TYR: variants seen among roughly 807,000 people sequenced by gnomAD.
TYR encodes LB24-AB.
Under a neutral mutation model 51.5 loss-of-function variants are expected in TYR, and 58 were observed. The ratio of observed to expected loss-of-function variants is 1.13; its 90% CI spans 0.91 to 1.40. TYR has a LOEUF of 1.40. Among genes scored for constraint, TYR ranks in the 40% most tolerant of loss-of-function variants. The pLI is 0.00. For missense variants in TYR, 732 were observed against 647.4 expected (o/e 1.13, Z -1.42); for synonymous variants, 263 against 235.2 (o/e 1.12, Z -1.08).
intron 2 of TYR, among the ~76,000 whole-genome samples, chr11:89,193,813 G>A (rs1417474617): frequency 6.6e-6 from 1 of 151,920 alleles, no homozygotes; most frequent in Non-Finnish European, 1.5e-5. Context: ...GAAAATAAAA[G>A]CAATACAAAA....
At chr11:89,267,812 A>ATG (rs201184833) in intron 3 of TYR, among the ~76,000 whole-genome samples, 2,420 of 150,376 alleles carry the variant, frequency 0.016, 29 homozygotes, top group African/African-American at 0.036. Context: ...TACTGAGTGT[A>ATG]TGTGTGTGTG....
chr11:89,259,385 T>G (rs1221765903), intron 3 of TYR, among the ~76,000 whole-genome samples: 8 of 152,114 alleles, frequency 5.3e-5, no homozygotes, highest in South Asian at 2.1e-4. Flanking sequence ...AGGTTGACAC[T>G]ATTTAAACTT....
chr11:89,179,045 A>G (rs1412758662), intron 1 of TYR, among the ~76,000 whole-genome samples: 1 of 152,260 alleles, frequency 6.6e-6, no homozygotes, highest in African/African-American at 2.4e-5. Context: ...AGAACATAGT[A>G]TGGTGCCTTT....
At chr11:89,182,066 G>A (rs1385962172) in intron 1 of TYR, among the ~76,000 whole-genome samples, 2 of 152,066 alleles carry the variant, frequency 1.3e-5, no homozygotes, top group Admixed American at 6.6e-5. Context: ...CCCCGTCTTT[G>A]TGCTATCATT....
At position 89,265,071 on chromosome 11, in the gene TYR, A is replaced by G. The variant is rs185176529; in HGVS notation, c.1185-19702A>G. 6.8e-3 allele frequency among the ~76,000 whole-genome samples: 1,035 copies of G among 152,124 alleles called. 11 individuals are homozygous for G. Among genetic ancestry groups the G allele is most frequent in the African/African-American group, 0.024 (981 of 41,532 alleles). ...CCTCTGAGAAGCTCATATTTTTTCA[A>G]TGAGTATACCTAATAACAACTTCTA... On this transcript the variant is annotated intron_variant, in intron 3 of 4. Transcript: ENST00000263321.
At chr11:89,208,870 C>T (rs1373234007) in intron 2 of TYR, among the ~76,000 whole-genome samples, 1 of 152,172 alleles carries the variant, frequency 6.6e-6, no homozygotes, top group Non-Finnish European at 1.5e-5. Context: ...CCATATCAAT[C>T]AATTTTTATG....
chr11:89,292,931 GC>G (rs1380000143), intron 4 of TYR, among the ~76,000 whole-genome samples: 1 of 152,136 alleles, frequency 6.6e-6, no homozygotes, highest in South Asian at 2.1e-4. Context: ...GGAATGGCCT[GC>G]TAGAGGAATC....
intron 3 of TYR, among the ~76,000 whole-genome samples, chr11:89,261,607 A>G (rs1417154328): frequency 3.3e-5 from 5 of 152,168 alleles, no homozygotes; most frequent in Admixed American, 1.3e-4. Context: ...CAAGTCAACT[A>G]TAATAGAGAC....
chr11:89,199,288 A>G (rs1040684268), intron 2 of TYR, among the ~76,000 whole-genome samples: 4 of 152,094 alleles, frequency 2.6e-5, no homozygotes, highest in Non-Finnish European at 4.4e-5. Flanking sequence ...GGGATGGCTG[A>G]GTCAAATGGT....
intron 3 of TYR, among the ~76,000 whole-genome samples, chr11:89,238,499 T>C (rs1424190796): frequency 6.6e-6 from 1 of 152,178 alleles, no homozygotes; most frequent in Non-Finnish European, 1.5e-5. Flanking sequence ...AGCAGATTTC[T>C]TAGGGTTTTC....
At chr11:89,264,717 C>G (rs916859642) in intron 3 of TYR, among the ~76,000 whole-genome samples, 3 of 147,964 alleles carry the variant, frequency 2.0e-5, no homozygotes, top group Admixed American at 2.0e-4. Context: ...ACACATACAC[C>G]GTGGAATACT....
At chr11:89,207,784 A>G (rs1160389237) in intron 2 of TYR, among the ~76,000 whole-genome samples, 1 of 152,206 alleles carries the variant, frequency 6.6e-6, no homozygotes, top group Non-Finnish European at 1.5e-5. Context: ...TTCCAAAAAT[A>G]CCAAACTGCT....
At chr11:89,274,503 C>A (rs1282131480) in intron 3 of TYR, among the ~76,000 whole-genome samples, 1 of 151,874 alleles carries the variant, frequency 6.6e-6, no homozygotes, top group East Asian at 1.9e-4. Flanking sequence ...ATGGCCACAA[C>A]TAACCTCACT....
rs185281520 is a variant in TYR, at chr11:89,237,733, G to C, written c.1184+9763G>C. Among the ~76,000 whole-genome samples, 248 of 152,238 alleles carry C rather than the reference G, an allele frequency of 1.6e-3. 3 individuals carry two copies. Among genetic ancestry groups the C allele is most frequent in the African/African-American group, 5.7e-3 (238 of 41,544 alleles). Reference sequence around the variant, plus strand: ...TTCATTTCTGTGAAAAACATCATTAGAATTTTGGTAGGGATTGCATTGAAA... The same window carrying C: ...TTCATTTCTGTGAAAAACATCATTACAATTTTGGTAGGGATTGCATTGAAA... On this transcript the variant is annotated intron_variant, in intron 3 of 4. Coordinates refer to ENST00000263321, the MANE Select transcript of TYR (RefSeq NM_000372.5).
chr11:89,249,582 C>A (rs376572169), intron 3 of TYR, among the ~76,000 whole-genome samples: 2 of 151,468 alleles, frequency 1.3e-5, no homozygotes, highest in Admixed American at 1.3e-4. Context: ...GATGATCATG[C>A]CCTTGGCAAC....
chr11:89,237,167 C>T (rs184766894), intron 3 of TYR, among the ~76,000 whole-genome samples: 1 of 152,206 alleles, frequency 6.6e-6, no homozygotes, highest in East Asian at 1.9e-4. Context: ...ATCTCCTCAT[C>T]TGTTAACTGT....
intron 3 of TYR, among the ~76,000 whole-genome samples, chr11:89,282,624 G>A (rs930473905): frequency 1.3e-5 from 2 of 151,744 alleles, no homozygotes; most frequent in Admixed American, 1.3e-4. Flanking sequence ...TAAAACAAAA[G>A]GACTAGTTTA....
intron 3 of TYR, among the ~76,000 whole-genome samples, chr11:89,269,261 T>A (rs2135313361): frequency 6.6e-6 from 1 of 152,046 alleles, no homozygotes; most frequent in African/African-American, 2.4e-5. Context: ...GAAAGCCAAG[T>A]TAATAGCAGA....
In TYR at chr11:89,257,722, C is replaced by A. The variant is rs539175727; in HGVS notation, c.1185-27051C>A. Among the ~76,000 whole-genome samples the A allele has an allele frequency of 5.3e-5, 8 of 152,082 alleles. No homozygotes were observed. In the South Asian group the frequency reaches 1.7e-3, roughly 32 times the overall value. Reference sequence around the variant, plus strand: ...TTTTATTTATGTATTTTTTTTACTACCCATTAAATGTTATATTTGCACTCA... The same window carrying A: ...TTTTATTTATGTATTTTTTTTACTAACCATTAAATGTTATATTTGCACTCA... On this transcript the variant is annotated intron_variant, in intron 3 of 4. Coordinates refer to ENST00000263321, the MANE Select transcript of TYR (RefSeq NM_000372.5).
Sources: allele counts gnomAD v4.1 joint callset (sites outside exome capture counted in the v4.1 genomes callset), GRCh38; gene constraint gnomAD v4.1.1; transcripts MANE v1.5; gene names NCBI Gene and HGNC (gene_info 2026-07-23, HGNC 2026-07-21).